RGS7: variants seen among roughly 807,000 people sequenced by gnomAD.
The protein encoded by RGS7 is regulator of G-protein signaling 7.
Under a neutral mutation model 81.1 loss-of-function variants are expected in RGS7, and 27 were observed. That is an observed-to-expected ratio of 0.33 (90% confidence interval 0.25 to 0.46). The LOEUF is 0.46. Ranked by LOEUF, RGS7 falls within the 20% of genes least tolerant of loss-of-function variation. The pLI, the probability that RGS7 is intolerant of heterozygous loss-of-function variation, is 1.00. For missense variants in RGS7, 396 were observed against 607.4 expected (o/e 0.65, Z 3.66); for synonymous variants, 208 against 207.7 (o/e 1.00, Z -0.01).
intron 3 of RGS7, among the ~76,000 whole-genome samples, chr1:241,011,896 T>C (rs1341833953): frequency 1.3e-5 from 2 of 152,202 alleles, no homozygotes; most frequent in African/African-American, 4.8e-5. Flanking sequence ...CTAAGGTGGA[T>C]GCATTCCTCC....
chr1:241,066,304 AC>A (rs1206234041), intron 3 of RGS7, among the ~76,000 whole-genome samples: 1 of 152,150 alleles, frequency 6.6e-6, no homozygotes, highest in African/African-American at 2.4e-5. Flanking sequence ...TGAAGCATCT[AC>A]CCCATTCTAA....
intron 6 of RGS7, among the ~76,000 whole-genome samples, chr1:240,881,932 T>A (rs1475976194): frequency 3.3e-5 from 5 of 151,698 alleles, no homozygotes; most frequent in South Asian, 2.1e-4. Flanking sequence ...TTTTTTTTTT[T>A]GAGAGAGAGT....
At chr1:241,327,727 G>GT (rs572478248) in intron 2 of RGS7, among the ~76,000 whole-genome samples, 177 of 152,240 alleles carry the variant, frequency 1.2e-3, no homozygotes, top group African/African-American at 3.9e-3. Flanking sequence ...AAGAATAAAC[G>GT]TATGTAGGTA....
chr1:240,957,346 C>G (rs997342430), intron 4 of RGS7, among the ~76,000 whole-genome samples: 1 of 152,220 alleles, frequency 6.6e-6, no homozygotes, highest in African/African-American at 2.4e-5. Context: ...ACACTGAAGG[C>G]TGCACTGTCA....
intron 4 of RGS7, among the ~76,000 whole-genome samples, chr1:240,963,869 G>A (rs755707368): frequency 6.6e-6 from 1 of 152,138 alleles, no homozygotes; most frequent in Non-Finnish European, 1.5e-5. Context: ...ATGAAATGTT[G>A]GGCATGGTGG....
rs1257519305 is a variant in RGS7 at position 241,327,028 on chromosome 1, A to AGGGAGGGAGGGAGGG, written c.78+28670_78+28671insCCCTCCCTCCCTCCC. On this transcript the variant is annotated intron_variant, in intron 2 of 18. Coordinates refer to ENST00000440928, the MANE Select transcript of RGS7 (RefSeq NM_001364886.1). The stretch of plus-strand genomic sequence containing the variant: ...GAAGGAAGGAAGGAAGGAAGGAAGG[A>AGGGAGGGAGGGAGGG]AGGAAGGAAGGGAGGGAGGGGAAAG... Among the ~76,000 whole-genome samples, 17 of 2,652 alleles carry AGGGAGGGAGGGAGGG rather than the reference A, an allele frequency of 6.4e-3. 1 individual carries two copies. Among genetic ancestry groups the AGGGAGGGAGGGAGGG allele is most frequent in the African/African-American group, 0.022 (7 of 318 alleles). 1.7% of individuals were successfully genotyped at this position (2,652 alleles called of 152,430 possible). A position where few individuals can be genotyped will look rare whatever the true frequency, so the allele number is the denominator to read the frequency against.
chr1:241,183,492 A>G (rs1041880243), intron 2 of RGS7, among the ~76,000 whole-genome samples: 1 of 152,204 alleles, frequency 6.6e-6, no homozygotes, highest in Non-Finnish European at 1.5e-5. Context: ...TTTCCCCTGG[A>G]ATTCAACAGT....
At chr1:241,157,817 TTTTC>T (rs1354864761) in intron 2 of RGS7, among the ~76,000 whole-genome samples, 2,112 of 73,138 alleles carry the variant, frequency 0.029, 44 homozygotes, top group African/African-American at 0.16. Flanking sequence ...TTTTCTTTTC[TTTTC>T]TTTTTTTTTT....
At chr1:241,266,328 C>G (rs1271797639) in intron 2 of RGS7, among the ~76,000 whole-genome samples, 1 of 152,194 alleles carries the variant, frequency 6.6e-6, no homozygotes, top group African/African-American at 2.4e-5. Context: ...CTATGTGTAG[C>G]TCTGGCATCA....
At chr1:240,993,897 T>A (rs1686894405) in intron 3 of RGS7, among the ~76,000 whole-genome samples, 1 of 152,186 alleles carries the variant, frequency 6.6e-6, no homozygotes, top group Non-Finnish European at 1.5e-5. Flanking sequence ...TGCCCGTGAA[T>A]GTCCAATAGC....
chr1:241,005,019 C>T (rs2058610743), intron 3 of RGS7, among the ~76,000 whole-genome samples: 1 of 152,164 alleles, frequency 6.6e-6, no homozygotes, highest in African/African-American at 2.4e-5. Flanking sequence ...AGTGCTAGGA[C>T]AGACTTAAGA....
chr1:240,967,780 G>A (rs1360460632), intron 4 of RGS7, among the ~76,000 whole-genome samples: 1 of 152,096 alleles, frequency 6.6e-6, no homozygotes, highest in Non-Finnish European at 1.5e-5. Flanking sequence ...TAGAATTTTA[G>A]CTATGGCTAT....
intron 3 of RGS7, among the ~76,000 whole-genome samples, chr1:241,052,796 C>CTT (rs540118274): frequency 7.0e-6 from 1 of 143,022 alleles, no homozygotes; most frequent in African/African-American, 2.5e-5. Context: ...AGCGTGGATG[C>CTT]TTTTTTTTTT....
At chr1:241,181,805 C>G (rs2071642320) in intron 2 of RGS7, among the ~76,000 whole-genome samples, 1 of 152,114 alleles carries the variant, frequency 6.6e-6, no homozygotes. Flanking sequence ...CTCTAACAAT[C>G]CTCCCACCTC....
At chr1:240,962,223 T>C (rs1681571973) in intron 4 of RGS7, among the ~76,000 whole-genome samples, 1 of 152,138 alleles carries the variant, frequency 6.6e-6, no homozygotes, top group African/African-American at 2.4e-5. Context: ...CTCCCAGTCT[T>C]CTCTGCTTAA....
chr1:241,249,158 T>C (rs1915871), intron 2 of RGS7, among the ~76,000 whole-genome samples: 106,226 of 151,982 alleles, frequency 0.7, 37,183 homozygotes, highest in African/African-American at 0.74. Flanking sequence ...GTTTATAGAT[T>C]GTGCTTTTCA....
At chr1:241,196,800 T>C (rs1327823044) in intron 2 of RGS7, among the ~76,000 whole-genome samples, 2 of 151,900 alleles carry the variant, frequency 1.3e-5, no homozygotes, top group Non-Finnish European at 2.9e-5. Context: ...GAGGCTAAAG[T>C]GTATTCTAAC....
chr1:241,024,543 T>A (rs1473899587), intron 3 of RGS7, among the ~76,000 whole-genome samples: 1 of 152,220 alleles, frequency 6.6e-6, no homozygotes, highest in East Asian at 1.9e-4. Context: ...TATCTCATTA[T>A]ATTATTATTA....
intron 4 of RGS7, among the ~76,000 whole-genome samples, chr1:240,973,148 C>A (rs1203500434): frequency 6.6e-6 from 1 of 152,044 alleles, no homozygotes; most frequent in Non-Finnish European, 1.5e-5. Flanking sequence ...AAGTTTCTCT[C>A]CTGTTAATTT....
Sources: gnomAD v4.1 joint callset for allele counts (sites outside exome capture counted in the v4.1 genomes callset) on GRCh38, gnomAD v4.1.1 for gene constraint, MANE v1.5 for transcripts, NCBI Gene and HGNC (gene_info 2026-07-23, HGNC 2026-07-21) for gene names.